TMEM276: variants seen among roughly 807,000 people sequenced by gnomAD.
TMEM276 encodes transmembrane protein 276.
the TMEM276 span, chr8:144,466,474 G>C: frequency 8.9e-6 from 12 of 1,346,024 alleles, no homozygotes; most frequent in Non-Finnish European, 1.1e-5. Flanking sequence ...CTTCCGCAGG[G>C]ATGGTGGCGC....
At chr8:144,465,006 T>C in the TMEM276 span, 3,522 of 1,542,234 alleles carry the variant, frequency 2.3e-3, 70 homozygotes, top group African/African-American at 0.042. Flanking sequence ...CGCGCGGCAC[T>C]CTAGTAAGCC....
chr8:144,466,083 G>A, the TMEM276 span: 1 of 153,200 alleles, frequency 6.5e-6, no homozygotes, highest in Non-Finnish European at 1.5e-5. Context: ...GCGTGTTGAA[G>A]GCTCCGCGAA....
the TMEM276 span, chr8:144,466,959 C>G: frequency 1.3e-6 from 2 of 1,591,962 alleles, no homozygotes; most frequent in African/African-American, 2.7e-5. Context: ...TGACCGGCAG[C>G]CAGCTCCGAG....
the TMEM276 span, chr8:144,464,743 G>A: frequency 1.2e-6 from 2 of 1,601,062 alleles, no homozygotes; most frequent in Non-Finnish European, 1.7e-6. Flanking sequence ...CTCTAATTCA[G>A]GAAACTAGGT....
chr8:144,464,715 C>A, the TMEM276 span: 1 of 1,565,436 alleles, frequency 6.4e-7, no homozygotes, highest in South Asian at 1.1e-5. Flanking sequence ...GTCTTAGACG[C>A]ACTTCCCACC....
chr8:144,463,984 A>C, the TMEM276 span: 1 of 1,511,140 alleles, frequency 6.6e-7, no homozygotes, highest in Non-Finnish European at 8.8e-7. Context: ...CAGCACCCAG[A>C]CTCTGCCCCT....
At chr8:144,466,509 C>T in the TMEM276 span, 2 of 1,295,116 alleles carry the variant, frequency 1.5e-6, no homozygotes, top group South Asian at 2.1e-5. Context: ...AGCCCGGGGA[C>T]CCCGCCCAGG....
At chr8:144,464,654 C>T in the TMEM276 span, 6 of 1,577,468 alleles carry the variant, frequency 3.8e-6, no homozygotes, top group East Asian at 1.3e-4. Context: ...AAAAAGAGGC[C>T]GGGGTCACCC....
the TMEM276 span, chr8:144,464,556 C>G: frequency 6.2e-7 from 1 of 1,611,460 alleles, no homozygotes; most frequent in South Asian, 1.1e-5. Flanking sequence ...CTGGGGCCAG[C>G]GTGGTGGTGG....
At chr8:144,466,547 G>A in the TMEM276 span, 1 of 1,130,180 alleles carries the variant, frequency 8.8e-7, no homozygotes. Flanking sequence ...GCAGCCCGTC[G>A]TCTCCCGCCG....
At chr8:144,465,441 C>G in the TMEM276 span, 9 of 1,004,924 alleles carry the variant, frequency 9.0e-6, no homozygotes, top group African/African-American at 3.5e-5. Context: ...CCTCCTCTGC[C>G]GTGCCCCCAG....
chr8:144,465,058 G>A, the TMEM276 span: 2 of 1,531,708 alleles, frequency 1.3e-6, no homozygotes, highest in South Asian at 1.2e-5. Flanking sequence ...GAGAAGTTCA[G>A]TCCTAGACTT....
chr8:144,466,710 C>G, the TMEM276 span: 1 of 1,419,490 alleles, frequency 7.0e-7, no homozygotes, highest in Non-Finnish European at 9.4e-7. Context: ...GGGAAGGGGC[C>G]AGCAGGCTGC....
At chr8:144,464,482 AG>A in the TMEM276 span, 3 of 1,612,388 alleles carry the variant, frequency 1.9e-6, no homozygotes, top group Non-Finnish European at 2.5e-6. Flanking sequence ...GAAGGCCAGA[AG>A]GGGAAGGCCG....
the TMEM276 span, chr8:144,466,443 C>T: frequency 1.7e-3 from 2,350 of 1,363,372 alleles, 30 homozygotes; most frequent in South Asian, 0.019. Context: ...ACTCGTTGCT[C>T]ATCTACATCT....
At chr8:144,464,710 A>C in the TMEM276 span, 4 of 1,574,142 alleles carry the variant, frequency 2.5e-6, no homozygotes, top group African/African-American at 5.4e-5. Context: ...ACCTGGTCTT[A>C]GACGCACTTC....
At chr8:144,466,948 C>A in the TMEM276 span, 1 of 1,589,150 alleles carries the variant, frequency 6.3e-7, no homozygotes, top group Non-Finnish European at 8.5e-7. Context: ...GCCCTCCTCC[C>A]TGACCGGCAG....
the TMEM276 span, chr8:144,466,407 GC>G: frequency 8.1e-7 from 1 of 1,237,188 alleles, no homozygotes. Context: ...GCCCTCTGCC[GC>G]CCCGCGCTCC....
chr8:144,464,000 G>A, the TMEM276 span: 3 of 1,519,394 alleles, frequency 2.0e-6, no homozygotes, highest in South Asian at 1.3e-5. Flanking sequence ...CCCCTGACCA[G>A]TCAATGTGCA....
Sources: gnomAD v4.1 joint callset for allele counts on GRCh38, gnomAD v4.1.1 for gene constraint, MANE v1.5 for transcripts, NCBI Gene and HGNC (gene_info 2026-07-23, HGNC 2026-07-21) for gene names.